SGSM1: variants seen among roughly 807,000 people sequenced by gnomAD.
The protein encoded by SGSM1 is RUN and TBC1 domain containing 2.
A neutral mutation model predicts 133.8 loss-of-function variants in SGSM1; 73 were observed. The observed-to-expected ratio is 0.55, with a 90% CI of 0.45 to 0.66. SGSM1 has a LOEUF of 0.66. SGSM1 is among the 30% of genes least tolerant of loss of function. The pLI, the probability that SGSM1 is intolerant of heterozygous loss-of-function variation, is 0.00. For missense variants in SGSM1, 1,213 were observed against 1,448.1 expected (o/e 0.84, Z 2.64); for synonymous variants, 563 against 573.0 (o/e 0.98, Z 0.25).
At chr22:24,822,287 T>C (rs1008805527) in intron 2 of SGSM1, among the ~76,000 whole-genome samples, 3 of 151,540 alleles carry the variant, frequency 2.0e-5, no homozygotes, top group African/African-American at 7.3e-5. Flanking sequence ...AGAGACAGGG[T>C]TTCACTGAGT....
chr22:24,849,206 C>G (rs1183008074), intron 4 of SGSM1, among the ~76,000 whole-genome samples: 2 of 151,426 alleles, frequency 1.3e-5, no homozygotes, highest in African/African-American at 4.9e-5. Context: ...ATGAAGAGGG[C>G]CAATGCTTGC....
At chr22:24,903,366 G>A (rs115400584) in intron 20 of SGSM1, among the ~76,000 whole-genome samples, 17,229 of 151,630 alleles carry the variant, frequency 0.11, 1,236 homozygotes, top group African/African-American at 0.19. Context: ...ACGCTGCCAG[G>A]CCCGGCTAAT....
At chr22:24,846,712 C>T (rs1930168882) in intron 3 of SGSM1, among the ~76,000 whole-genome samples, 1 of 152,122 alleles carries the variant, frequency 6.6e-6, no homozygotes, top group Non-Finnish European at 1.5e-5. Flanking sequence ...AGTTCACTTA[C>T]ATCGCCATAA....
intron 2 of SGSM1, among the ~76,000 whole-genome samples, chr22:24,817,402 G>T (rs535306109): frequency 5.3e-5 from 8 of 151,814 alleles, no homozygotes; most frequent in African/African-American, 1.9e-4. Flanking sequence ...CGCCAGGCTG[G>T]AGTGCAGTGG....
intron 5 of SGSM1, among the ~76,000 whole-genome samples, chr22:24,851,434 GA>G (rs375805681): frequency 0.013 from 1,558 of 118,864 alleles, 34 homozygotes; most frequent in African/African-American, 0.054. Flanking sequence ...GGCAGGAAGG[GA>G]GGGGGGGGTG....
intron 2 of SGSM1, among the ~76,000 whole-genome samples, chr22:24,824,475 G>T (rs1354269663): frequency 6.6e-6 from 1 of 151,854 alleles, no homozygotes; most frequent in Non-Finnish European, 1.5e-5. Flanking sequence ...AAATACTCCT[G>T]TCCCCACCCC....
chr22:24,824,935 C>T (rs1327767583), intron 2 of SGSM1, among the ~76,000 whole-genome samples: 3 of 152,222 alleles, frequency 2.0e-5, no homozygotes, highest in Non-Finnish European at 2.9e-5. Flanking sequence ...ACCATGTCTG[C>T]TTGCTCCTCG....
chr22:24,915,885 G>T lies in SGSM1; in HGVS notation c.2929-1773G>T, dbSNP rs763487311. On this transcript the variant is annotated intron_variant, in intron 22 of 24. Transcript: ENST00000400358. The stretch of plus-strand genomic sequence containing the variant: ...CTAGTTTTTGGTTCATTTGGATTGT[G>T]AAGTGCCTATTCATATGCTTTGCCC... 5.8e-4 allele frequency among the ~76,000 whole-genome samples: 88 copies of T among 152,106 alleles called. 1 individual carries two copies. The highest frequency in any genetic ancestry group is 3.8e-4 in the Non-Finnish European group (26 of 68,012).
rs1929510553 is a variant in SGSM1 at position 24,837,577 on chromosome 22, G to GA, written c.64-7319dup. On this transcript the variant is annotated intron_variant, in intron 2 of 24. Coordinates refer to ENST00000400358, the MANE Select transcript of SGSM1 (RefSeq NM_001098497.3). ...CTCTAAACTCCCCCGGGGAAAGGGA[G>GA]ACCCCCCCCCCCCCTTTCCCAGTCT... 2.0e-4 allele frequency among the ~76,000 whole-genome samples: 11 copies of GA among 54,278 alleles called. No individual in the cohort carries two copies. In the South Asian group the frequency reaches 5.0e-3, roughly 24 times the overall value. The allele number at this position is 54,278 out of a possible 152,430, so 35.6% of individuals were successfully genotyped here. A position where few individuals can be genotyped will look rare whatever the true frequency, so the allele number is the denominator to read the frequency against.
intron 3 of SGSM1, among the ~76,000 whole-genome samples, chr22:24,846,022 TC>T (rs1406294514): frequency 7.0e-6 from 1 of 142,606 alleles, no homozygotes; most frequent in African/African-American, 2.7e-5. Flanking sequence ...CATTTCTTTC[TC>T]TCTTTCTCTC....
intron 13 of SGSM1, among the ~76,000 whole-genome samples, chr22:24,878,274 C>T (rs1227444878): frequency 6.6e-6 from 1 of 152,124 alleles, no homozygotes; most frequent in African/African-American, 2.4e-5. Flanking sequence ...GGTCCGTGGA[C>T]CAGTGAGAAA....
chr22:24,853,362 G>A (rs897890985), intron 5 of SGSM1, among the ~76,000 whole-genome samples: 5 of 152,192 alleles, frequency 3.3e-5, no homozygotes, highest in African/African-American at 1.2e-4. Flanking sequence ...GTCAGAACAA[G>A]GTTCTTTTCA....
intron 2 of SGSM1, among the ~76,000 whole-genome samples, chr22:24,811,000 A>C (rs1400297592): frequency 6.6e-6 from 1 of 152,244 alleles, no homozygotes; most frequent in Admixed American, 6.5e-5. Flanking sequence ...TTTGGTTGCC[A>C]GATAACATCC....
intron 13 of SGSM1, among the ~76,000 whole-genome samples, chr22:24,877,810 T>TTC (rs1932103214): frequency 7.9e-6 from 1 of 127,246 alleles, no homozygotes; most frequent in Non-Finnish European, 1.8e-5. Context: ...TTCTTTTTTT[T>TTC]TTTTTTTTTT....
intron 5 of SGSM1, among the ~76,000 whole-genome samples, chr22:24,852,306 C>T (rs558016336): frequency 3.3e-5 from 5 of 152,228 alleles, no homozygotes; most frequent in South Asian, 2.1e-4. Context: ...AAACTTTTAA[C>T]GCATGTGTAG....
intron 12 of SGSM1, among the ~76,000 whole-genome samples, chr22:24,875,211 T>A (rs1931972702): frequency 6.6e-6 from 1 of 152,082 alleles, no homozygotes. Flanking sequence ...ATTAGAAAAC[T>A]AAGATTCATG....
intron 12 of SGSM1, among the ~76,000 whole-genome samples, chr22:24,869,589 G>T (rs1966847661): frequency 6.6e-6 from 1 of 152,186 alleles, no homozygotes; most frequent in Non-Finnish European, 1.5e-5. Flanking sequence ...ACACTCAAAT[G>T]TTGCTGCTGT....
chr22:24,860,117 A>G (rs1288011245), intron 9 of SGSM1, among the ~76,000 whole-genome samples: 1 of 152,168 alleles, frequency 6.6e-6, no homozygotes, highest in Non-Finnish European at 1.5e-5. Flanking sequence ...ATCTTTATAG[A>G]GATCTCCTAA....
chr22:24,876,105 C>T (rs1195824739), intron 12 of SGSM1, among the ~76,000 whole-genome samples: 1 of 152,182 alleles, frequency 6.6e-6, no homozygotes, highest in East Asian at 1.9e-4. Context: ...AGCGCAGGTG[C>T]CCTCTTCCTC....
Sources: allele counts gnomAD v4.1 joint callset (sites outside exome capture counted in the v4.1 genomes callset), GRCh38; gene constraint gnomAD v4.1.1; transcripts MANE v1.5; gene names NCBI Gene and HGNC (gene_info 2026-07-23, HGNC 2026-07-21).